IFNG-AS1: variants seen among roughly 807,000 people sequenced by gnomAD.
IFNG-AS1 encodes IFNG regulatory antisense RNA 1.
At chr12:68,017,969 G>A (rs1049721372) in intron 3 of IFNG-AS1, among the ~76,000 whole-genome samples, 8 of 152,146 alleles carry the variant, frequency 5.3e-5, no homozygotes, top group African/African-American at 1.9e-4. Context: ...ACTTGAATAA[G>A]CCAGGTGTTT....
At chr12:67,993,443 A>T (rs1336110883) in intron 1 of IFNG-AS1, among the ~76,000 whole-genome samples, 3 of 152,214 alleles carry the variant, frequency 2.0e-5, no homozygotes, top group Non-Finnish European at 4.4e-5. Flanking sequence ...AAAAATGTTC[A>T]TGAGATAAAG....
intron 3 of IFNG-AS1, among the ~76,000 whole-genome samples, chr12:68,018,908 AC>A (rs1880220220): frequency 6.6e-6 from 1 of 152,076 alleles, no homozygotes; most frequent in South Asian, 2.1e-4. Flanking sequence ...TCCCAGAGCA[AC>A]TTTTTTAAGA....
At chr12:68,020,628 A>ACTTC (rs1376454506) in intron 4 of IFNG-AS1, 1 of 152,174 alleles carries the variant, frequency 6.6e-6, no homozygotes, top group East Asian at 1.9e-4. Flanking sequence ...TTATGCACAT[A>ACTTC]CTTCCACCAG....
At chr12:68,015,140 C>T (rs929866066) in intron 3 of IFNG-AS1, among the ~76,000 whole-genome samples, 2 of 152,076 alleles carry the variant, frequency 1.3e-5, no homozygotes, top group Non-Finnish European at 2.9e-5. Context: ...TCAAAAACAC[C>T]GTAAGACCTC....
chr12:67,991,623 A>G (rs1338223358), intron 1 of IFNG-AS1, among the ~76,000 whole-genome samples: 1 of 152,246 alleles, frequency 6.6e-6, no homozygotes, highest in Admixed American at 6.5e-5. Flanking sequence ...TCTTCAAAGG[A>G]AAGCCCGCAA....
intron 2 of IFNG-AS1, among the ~76,000 whole-genome samples, chr12:68,003,180 C>G (rs1879812874): frequency 6.6e-6 from 1 of 152,192 alleles, no homozygotes; most frequent in Admixed American, 6.5e-5. Flanking sequence ...TTCCTCACCT[C>G]TAGCTTTTTA....
intron 3 of IFNG-AS1, among the ~76,000 whole-genome samples, chr12:68,011,657 G>A (rs1240145425): frequency 3.3e-5 from 5 of 152,140 alleles, no homozygotes; most frequent in Admixed American, 2.6e-4. Flanking sequence ...GACTGAACTT[G>A]GGAGTGCTGG....
chr12:68,019,462 C>T (rs536310788), intron 3 of IFNG-AS1, among the ~76,000 whole-genome samples: 1 of 152,314 alleles, frequency 6.6e-6, no homozygotes, highest in Non-Finnish European at 1.5e-5. Context: ...TGCTAATATA[C>T]ACTGTGCTTC....
At chr12:67,991,868 C>G (rs368632486) in intron 1 of IFNG-AS1, among the ~76,000 whole-genome samples, 1 of 152,148 alleles carries the variant, frequency 6.6e-6, no homozygotes, top group African/African-American at 2.4e-5. Context: ...TGAAATAGCT[C>G]AAGGATAGAG....
chr12:68,016,335 C>A (rs987997361), intron 3 of IFNG-AS1, among the ~76,000 whole-genome samples: 2 of 152,058 alleles, frequency 1.3e-5, no homozygotes, highest in Non-Finnish European at 2.9e-5. Flanking sequence ...CAGGCCCTCA[C>A]CCAGACCTAT....
In IFNG-AS1 at chr12:68,006,683, G is replaced by A. The variant is rs368357613; in HGVS notation, n.241+537G>A. 4.7e-4 allele frequency among the ~76,000 whole-genome samples: 71 copies of A among 152,286 alleles called. No homozygotes were observed. In the East Asian group the frequency reaches 0.01, roughly 22 times the overall value. Reference sequence around the variant, plus strand: ...CTGGATCTGACTTAATTAGCTGGAAGCCTTTTTAAAGAGGGTTTGGATTTC... The same window carrying A: ...CTGGATCTGACTTAATTAGCTGGAAACCTTTTTAAAGAGGGTTTGGATTTC... On this transcript the variant is annotated intron_variant and non_coding_transcript_variant, in intron 3 of 5. Transcript: ENST00000536914.
chr12:68,018,188 A>G (rs1192701377), intron 3 of IFNG-AS1, among the ~76,000 whole-genome samples: 1 of 152,086 alleles, frequency 6.6e-6, no homozygotes, highest in Non-Finnish European at 1.5e-5. Context: ...AATTTACCAC[A>G]TGGGTTAGAG....
rs138448971 is a variant in IFNG-AS1 at position 68,011,264 on chromosome 12, C to T, written n.241+5118C>T. On this transcript the variant is annotated intron_variant and non_coding_transcript_variant, in intron 3 of 5. Transcript: ENST00000536914. ...CACATCAGCCCACTTTACAAGTAAT[C>T]GAGTAAGGTAAACTTAAATTTGACC... 9.8e-5 allele frequency among the ~76,000 whole-genome samples: 15 copies of T among 152,312 alleles called. No individual in the cohort carries two copies. The East Asian group carries it at 1.3e-3, about 14-fold the overall frequency.
intron 1 of IFNG-AS1, among the ~76,000 whole-genome samples, chr12:67,995,591 A>G (rs1424386718): frequency 6.6e-6 from 1 of 151,284 alleles, no homozygotes; most frequent in South Asian, 2.1e-4. Context: ...GCATGGTGTC[A>G]TGTGCCTGTA....
intron 3 of IFNG-AS1, among the ~76,000 whole-genome samples, chr12:68,019,275 T>G (rs1880229521): frequency 6.6e-6 from 1 of 152,172 alleles, no homozygotes; most frequent in Non-Finnish European, 1.5e-5. Flanking sequence ...CACTTACATG[T>G]GCTTACTACA....
At chr12:68,016,584 G>A (rs1352536472) in intron 3 of IFNG-AS1, among the ~76,000 whole-genome samples, 1 of 152,154 alleles carries the variant, frequency 6.6e-6, no homozygotes. Context: ...TTGCTGCAGT[G>A]ATGAAATAAT....
At chr12:68,015,072 G>A (rs1448969725) in intron 3 of IFNG-AS1, among the ~76,000 whole-genome samples, 2 of 152,070 alleles carry the variant, frequency 1.3e-5, no homozygotes, top group Non-Finnish European at 2.9e-5. Context: ...CTAGCCCAGG[G>A]CATGGCCCAG....
chr12:68,005,296 G>A (rs1879880187), intron 2 of IFNG-AS1, among the ~76,000 whole-genome samples: 1 of 152,096 alleles, frequency 6.6e-6, no homozygotes, highest in East Asian at 1.9e-4. Flanking sequence ...TTCCTTAGAG[G>A]GTTTACACCC....
intron 2 of IFNG-AS1, among the ~76,000 whole-genome samples, chr12:68,003,836 G>A (rs1879841044): frequency 6.6e-6 from 1 of 151,636 alleles, no homozygotes. Context: ...GAACCTGGGA[G>A]GCGGAGCTTG....
Sources: allele counts gnomAD v4.1 joint callset (sites outside exome capture counted in the v4.1 genomes callset), GRCh38; gene constraint gnomAD v4.1.1; transcripts MANE v1.5; gene names NCBI Gene and HGNC (gene_info 2026-07-23, HGNC 2026-07-21).